HORMAD2: variants seen among roughly 807,000 people sequenced by gnomAD.
HORMAD2 encodes HORMA domain containing 2.
Under a neutral mutation model 38.8 loss-of-function variants are expected in HORMAD2, and 45 were observed. The ratio of observed to expected loss-of-function variants is 1.16; its 90% CI spans 0.91 to 1.49. The LOEUF (loss-of-function observed/expected upper bound fraction) is 1.49. Among genes scored for constraint, HORMAD2 ranks in the 40% most tolerant of loss-of-function variants. The pLI, the probability that HORMAD2 is intolerant of heterozygous loss-of-function variation, is 0.00. For missense variants in HORMAD2, 338 were observed against 367.0 expected (o/e 0.92, Z 0.65); for synonymous variants, 126 against 122.8 (o/e 1.03, Z -0.17).
intron 4 of HORMAD2, among the ~76,000 whole-genome samples, chr22:30,104,096 A>G (rs1921010128): frequency 6.6e-6 from 1 of 152,224 alleles, no homozygotes; most frequent in African/African-American, 2.4e-5. Flanking sequence ...AATATTAAAT[A>G]TATACACCTA....
At chr22:30,184,580 A>T in the HORMAD2 span, 1 of 152,194 alleles carries the variant, frequency 6.6e-6, no homozygotes, top group African/African-American at 2.4e-5. Context: ...ACAAGAAAAT[A>T]GTTGTCCTCA....
intron 5 of HORMAD2, chr22:30,105,104 G>A (rs1569088476): frequency 6.1e-6 from 1 of 165,218 alleles, no homozygotes. Context: ...TCAGTCCTTG[G>A]CAGCGGCTTT....
downstream of HORMAD2, among the ~76,000 whole-genome samples, chr22:30,180,746 G>A (rs1285833964): frequency 1.3e-5 from 2 of 151,838 alleles, no homozygotes; most frequent in South Asian, 2.1e-4. Context: ...CAGGAACTTA[G>A]GATTCCTTCT....
chr22:30,121,950 T>G lies in HORMAD2; in HGVS notation c.569-14T>G. On this transcript the variant is annotated splice_polypyrimidine_tract_variant and intron_variant, in intron 9 of 10. Coordinates refer to ENST00000336726, the MANE Select transcript of HORMAD2 (RefSeq NM_152510.4). The stretch of plus-strand genomic sequence containing the variant: ...ACTCAGTTTTCATGGCTTTTTGCCC[T>G]TTTCATTTCGCAGTGACCCCACATG... 2 of 1,603,686 alleles carry G rather than the reference T, an allele frequency of 1.2e-6. No individual in the cohort carries two copies. Among genetic ancestry groups the G allele is most frequent in the Non-Finnish European group, 1.7e-6 (2 of 1,174,638 alleles).
chr22:30,190,240 G>T, the HORMAD2 span, among the ~76,000 whole-genome samples: 1 of 152,144 alleles, frequency 6.6e-6, no homozygotes, highest in Non-Finnish European at 1.5e-5. Context: ...CTCTACTAAA[G>T]TAATTTCAGG....
chr22:30,174,675 T>C (rs1365617337), intron 10 of HORMAD2, among the ~76,000 whole-genome samples: 1 of 152,202 alleles, frequency 6.6e-6, no homozygotes, highest in African/African-American at 2.4e-5. Context: ...TCTTCTTTCA[T>C]GTGTACCCAG....
At chr22:30,168,563 C>A (rs970018314) in intron 10 of HORMAD2, among the ~76,000 whole-genome samples, 1 of 152,172 alleles carries the variant, frequency 6.6e-6, no homozygotes, top group African/African-American at 2.4e-5. Flanking sequence ...CCTACTCCCT[C>A]AACTTCTATT....
At chr22:30,162,081 G>A (rs1344781210) in intron 10 of HORMAD2, among the ~76,000 whole-genome samples, 1 of 152,178 alleles carries the variant, frequency 6.6e-6, no homozygotes, top group Non-Finnish European at 1.5e-5. Flanking sequence ...GGGAGGCTGG[G>A]GTGGGCCGAT....
At chr22:30,157,425 A>C (rs1345742498) in intron 10 of HORMAD2, among the ~76,000 whole-genome samples, 1 of 151,158 alleles carries the variant, frequency 6.6e-6, no homozygotes, top group Admixed American at 6.6e-5. Context: ...TGTTTGGTAC[A>C]TGGCAAATAT....
chr22:30,078,876 T>C (rs1306256230), upstream of HORMAD2, among the ~76,000 whole-genome samples: 1 of 151,934 alleles, frequency 6.6e-6, no homozygotes, highest in Non-Finnish European at 1.5e-5. Context: ...ACAAACCATC[T>C]GTGTGGTTGG....
chr22:30,085,574 C>T (rs2068556153), intron 1 of HORMAD2, among the ~76,000 whole-genome samples: 1 of 151,996 alleles, frequency 6.6e-6, no homozygotes, highest in South Asian at 2.1e-4. Flanking sequence ...GCCAACATGG[C>T]TAAACCCCAT....
intron 4 of HORMAD2, 77 bp from the exon 5 acceptor site, chr22:30,104,324 G>T: frequency 6.3e-6 from 7 of 1,119,034 alleles, no homozygotes; most frequent in Non-Finnish European, 9.4e-6. Flanking sequence ...AGCAAAAAGT[G>T]CAAATGAATT....
At chr22:30,108,025 T>C (rs1921335943) in intron 5 of HORMAD2, among the ~76,000 whole-genome samples, 2 of 151,886 alleles carry the variant, frequency 1.3e-5, no homozygotes, top group South Asian at 4.2e-4. Context: ...CGTGCCACCA[T>C]GCCTTGCTAA....
At chr22:30,148,876 G>C (rs1288393002) in intron 10 of HORMAD2, among the ~76,000 whole-genome samples, 1 of 152,106 alleles carries the variant, frequency 6.6e-6, no homozygotes, top group African/African-American at 2.4e-5. Flanking sequence ...GTGGTGACGG[G>C]TGCCTGTAGT....
At chr22:30,201,811 C>T in the HORMAD2 span, among the ~76,000 whole-genome samples, 1 of 152,124 alleles carries the variant, frequency 6.6e-6, no homozygotes, top group Non-Finnish European at 1.5e-5. Flanking sequence ...TGTGGTCCAG[C>T]TCATGAACCA....
chr22:30,153,072 GT>G (rs1479098778), intron 10 of HORMAD2, among the ~76,000 whole-genome samples: 2 of 149,978 alleles, frequency 1.3e-5, no homozygotes, highest in African/African-American at 2.4e-5. Context: ...TCTCTACCCA[GT>G]TTCCCCCCAT....
intron 3 of HORMAD2, among the ~76,000 whole-genome samples, chr22:30,101,026 A>G (rs966283861): frequency 2.6e-5 from 4 of 152,188 alleles, no homozygotes; most frequent in Non-Finnish European, 4.4e-5. Context: ...ACAGTGTGGC[A>G]ATTCCTCAAG....
At chr22:30,200,256 C>G in the HORMAD2 span, among the ~76,000 whole-genome samples, 1 of 151,980 alleles carries the variant, frequency 6.6e-6, no homozygotes, top group African/African-American at 2.4e-5. Flanking sequence ...GTGAATCTCA[C>G]TGGGGTTTTT....
chr22:30,095,425 G>T (rs188104782), intron 2 of HORMAD2, among the ~76,000 whole-genome samples: 1 of 152,290 alleles, frequency 6.6e-6, no homozygotes, highest in East Asian at 1.9e-4. Flanking sequence ...CAGCTTACCT[G>T]CTTTGGAGCC....
Sources: allele counts gnomAD v4.1 joint callset (sites outside exome capture counted in the v4.1 genomes callset), GRCh38; gene constraint gnomAD v4.1.1; transcripts MANE v1.5; gene names NCBI Gene and HGNC (gene_info 2026-07-23, HGNC 2026-07-21).